Variants in MYO1D observed in about 807,000 individuals in gnomAD.
MYO1D encodes unconventional myosin-Id.
Under a neutral mutation model 122.0 loss-of-function variants are expected in MYO1D, and 83 were observed. That is an observed-to-expected ratio of 0.68 (90% CI 0.57 to 0.82). The LOEUF is 0.82. Ranked by LOEUF, MYO1D falls within the 40% of genes least tolerant of loss-of-function variation. MYO1D has a pLI of 0.00. For synonymous variants in MYO1D, 464 were observed against 446.9 expected (o/e 1.04, Z -0.48); for missense variants, 1,157 against 1,269.5 (o/e 0.91, Z 1.35).
In MYO1D at chr17:32,730,632, A is replaced by C. The variant is rs984285567; in HGVS notation, c.1746+7621T>G. ...TTTACGTTTATTTTCTCTCAGCCTA[A>C]TTGTCATACTTTTGAATCTAATCTG... On this transcript the variant is annotated intron_variant, in intron 14 of 21. Coordinates refer to ENST00000318217, the MANE Select transcript of MYO1D (RefSeq NM_015194.3). Among the ~76,000 whole-genome samples, 4 of 152,054 alleles carry C rather than the reference A, an allele frequency of 2.6e-5. No homozygotes were observed. The East Asian group carries it at 7.7e-4, about 29-fold the overall frequency.
intron 21 of MYO1D, among the ~76,000 whole-genome samples, chr17:32,553,963 TCCATGC>T (rs938145168): frequency 2.0e-5 from 3 of 152,208 alleles, no homozygotes; most frequent in Non-Finnish European, 2.9e-5. Context: ...TGTGTCATCT[TCCATGC>T]TCTTCCCCTC....
At chr17:32,607,835 C>T (rs1287864705) in intron 20 of MYO1D, among the ~76,000 whole-genome samples, 5 of 151,882 alleles carry the variant, frequency 3.3e-5, no homozygotes, top group African/African-American at 1.2e-4. Flanking sequence ...AACAGACTCA[C>T]GTGAATATGG....
chr17:32,756,576 G>GAA (rs778773183), intron 10 of MYO1D, among the ~76,000 whole-genome samples: 1 of 120,656 alleles, frequency 8.3e-6, no homozygotes, highest in Admixed American at 8.4e-5. Context: ...ACTTAAAACG[G>GAA]AAAAAAAAAA....
At chr17:32,811,572 C>T (rs1000756163) in intron 1 of MYO1D, among the ~76,000 whole-genome samples, 12 of 149,302 alleles carry the variant, frequency 8.0e-5, no homozygotes, top group Admixed American at 6.0e-4. Flanking sequence ...TTGTAGTAGA[C>T]ACTGTATGCC....
At chr17:32,547,528 C>T (rs376915200) in intron 21 of MYO1D, among the ~76,000 whole-genome samples, 130 of 152,348 alleles carry the variant, frequency 8.5e-4, no homozygotes, top group Non-Finnish European at 1.6e-3. Context: ...CTTCTGCTGC[C>T]GCAGAATCAC....
intron 21 of MYO1D, among the ~76,000 whole-genome samples, chr17:32,571,567 G>A (rs898543475): frequency 6.6e-6 from 1 of 152,036 alleles, no homozygotes; most frequent in African/African-American, 2.4e-5. Context: ...AAATTAAAAG[G>A]GTGGAAACTT....
chr17:32,585,065 A>C (rs2087374304), intron 21 of MYO1D, among the ~76,000 whole-genome samples: 1 of 152,230 alleles, frequency 6.6e-6, no homozygotes, highest in African/African-American at 2.4e-5. Flanking sequence ...TTCTGATGGC[A>C]TAATTTAGCT....
At position 32,809,134 on chromosome 17, in the gene MYO1D, T is replaced by TAAAA. The variant is rs371101816; in HGVS notation, c.96-28354_96-28351dup. On this transcript the variant is annotated intron_variant, in intron 1 of 21. Transcript: ENST00000318217. Reference sequence around the variant, plus strand: ...TGTTTTTATTCATTTTTGTTTTTGATAAAAAAAAAAAAAAAAACTGTCACC... The same window carrying TAAAA: ...TGTTTTTATTCATTTTTGTTTTTGATAAAAAAAAAAAAAAAAAAAAACTGTCACC... Among the ~76,000 whole-genome samples the TAAAA allele has an allele frequency of 7.8e-4, 105 of 134,554 alleles. 1 individual carries two copies. The highest frequency in any genetic ancestry group is 2.2e-3 in the African/African-American group (81 of 36,756). 88.3% of individuals were successfully genotyped at this position (134,554 alleles called of 152,430 possible).
At chr17:32,649,936 T>G (rs1174864304) in intron 19 of MYO1D, among the ~76,000 whole-genome samples, 1 of 152,208 alleles carries the variant, frequency 6.6e-6, no homozygotes, top group Non-Finnish European at 1.5e-5. Flanking sequence ...ACCTGTTGGT[T>G]ATTATGAATT....
intron 7 of MYO1D, among the ~76,000 whole-genome samples, chr17:32,766,656 G>A (rs556732628): frequency 2.0e-5 from 3 of 152,108 alleles, no homozygotes; most frequent in Non-Finnish European, 4.4e-5. Flanking sequence ...GCCAGGCGTG[G>A]TGGCAGGCGC....
At chr17:32,654,326 A>C in intron 18 of MYO1D, 151 bp downstream of exon 18, 1 of 867,106 alleles carries the variant, frequency 1.2e-6, no homozygotes, top group East Asian at 2.7e-5. Context: ...AATACTGTAC[A>C]TTTAGAAGCA....
intron 16 of MYO1D, among the ~76,000 whole-genome samples, chr17:32,698,897 AAT>A (rs1240050895): frequency 6.6e-6 from 1 of 152,222 alleles, no homozygotes; most frequent in African/African-American, 2.4e-5. Flanking sequence ...ACATATAAAT[AAT>A]ATGAAATTGT....
rs144632455 is a variant in MYO1D, at chr17:32,613,547, G to A, written c.2710-8306C>T. 5.7e-3 allele frequency among the ~76,000 whole-genome samples: 871 copies of A among 152,064 alleles called. 8 individuals are homozygous for A. Among genetic ancestry groups the A allele is most frequent in the African/African-American group, 0.02 (815 of 41,478 alleles). On this transcript the variant is annotated intron_variant, in intron 20 of 21. Transcript: ENST00000318217. ...TCCCAGCACTTTTGGAGGCCGAGGTGGGCAGATCACGAGGTCAGGAGATCA... is the reference window on the plus strand; with the variant it reads ...TCCCAGCACTTTTGGAGGCCGAGGTAGGCAGATCACGAGGTCAGGAGATCA...
At chr17:32,543,437 G>A (rs975791693) in intron 21 of MYO1D, among the ~76,000 whole-genome samples, 85 of 150,398 alleles carry the variant, frequency 5.7e-4, no homozygotes, top group South Asian at 2.1e-4. Context: ...TTAGTCGGGC[G>A]TGGTGGCGGG....
intron 1 of MYO1D, among the ~76,000 whole-genome samples, chr17:32,867,990 G>A (rs941835330): frequency 6.0e-5 from 9 of 151,178 alleles, no homozygotes; most frequent in East Asian, 3.9e-4. Flanking sequence ...AAACCTTCAC[G>A]GAGGCTGAGA....
At chr17:32,684,621 A>AT (rs1301518052) in intron 16 of MYO1D, among the ~76,000 whole-genome samples, 1 of 152,180 alleles carries the variant, frequency 6.6e-6, no homozygotes, top group East Asian at 1.9e-4. Context: ...ACTAAAAAGA[A>AT]ACAGCCCATC....
At chr17:32,861,201 GACTACAGGC>G (rs1387319593) in intron 1 of MYO1D, among the ~76,000 whole-genome samples, 1 of 146,840 alleles carries the variant, frequency 6.8e-6, no homozygotes, top group Non-Finnish European at 1.5e-5. Context: ...CCCGAGCTGG[GACTACAGGC>G]ACCCACCACC....
At chr17:32,521,858 G>T (rs1910150376) in intron 21 of MYO1D, among the ~76,000 whole-genome samples, 1 of 151,950 alleles carries the variant, frequency 6.6e-6, no homozygotes, top group Non-Finnish European at 1.5e-5. Context: ...CCGAGGTGGG[G>T]GAATCATGAA....
At chr17:32,647,912 A>C (rs2088320118) in intron 19 of MYO1D, among the ~76,000 whole-genome samples, 1 of 152,164 alleles carries the variant, frequency 6.6e-6, no homozygotes, top group African/African-American at 2.4e-5. Flanking sequence ...ATTTTGTTAA[A>C]AAGCCCCTAT....
Sources: allele counts gnomAD v4.1 joint callset (sites outside exome capture counted in the v4.1 genomes callset), GRCh38; gene constraint gnomAD v4.1.1; transcripts MANE v1.5; gene names NCBI Gene and HGNC (gene_info 2026-07-23, HGNC 2026-07-21).